CDKAL1: variants seen among roughly 807,000 people sequenced by gnomAD.
CDKAL1 encodes the protein threonylcarbamoyladenosine tRNA methylthiotransferase.
In CDKAL1, 32 loss-of-function variants were observed where a neutral mutation model predicts 68.2. The ratio of observed to expected loss-of-function variants is 0.47; its 90% CI spans 0.35 to 0.63. The LOEUF is 0.63. CDKAL1 is among the 30% of genes least tolerant of loss of function. CDKAL1 has a pLI of 0.00. For missense variants in CDKAL1, 606 were observed against 696.7 expected, an observed-to-expected ratio of 0.87 and a Z score of 1.47; for synonymous variants, 234 against 244.3, an observed-to-expected ratio of 0.96 and a Z score of 0.39.
At chr6:20,786,916 C>A (rs183226487) in intron 8 of CDKAL1, among the ~76,000 whole-genome samples, 1 of 152,182 alleles carries the variant, frequency 6.6e-6, no homozygotes. Context: ...TTTATTTTAC[C>A]TTCTCTGACC....
At chr6:20,805,605 C>T (rs566808912) in intron 8 of CDKAL1, among the ~76,000 whole-genome samples, 1 of 152,256 alleles carries the variant, frequency 6.6e-6, no homozygotes, top group Non-Finnish European at 1.5e-5. Context: ...ATACAATATG[C>T]TTTAACATTA....
At position 20,764,023 on chromosome 6, in the gene CDKAL1, T is replaced by G. The variant is rs146000705; in HGVS notation, c.517+5380T>G. Among the ~76,000 whole-genome samples the G allele has an allele frequency of 2.3e-3, 349 of 152,354 alleles. 2 individuals are homozygous for G. Among genetic ancestry groups the G allele is most frequent in the Admixed American group, 6.0e-3 (92 of 15,300 alleles). The stretch of plus-strand genomic sequence containing the variant: ...TAGTGGATTCACATTCATTTCCGTC[T>G]TTTAAAAATATTCATACGCACCTTA... On this transcript the variant is annotated intron_variant, in intron 7 of 15. Coordinates refer to ENST00000274695, the MANE Select transcript of CDKAL1 (RefSeq NM_017774.3).
At chr6:21,140,029 C>G (rs1317189122) in intron 13 of CDKAL1, among the ~76,000 whole-genome samples, 1 of 152,044 alleles carries the variant, frequency 6.6e-6, no homozygotes, top group African/African-American at 2.4e-5. Context: ...TTGCTTCTTT[C>G]TTTGTTGTAC....
chr6:20,792,074 T>G (rs1429249414), intron 8 of CDKAL1, among the ~76,000 whole-genome samples: 1 of 152,214 alleles, frequency 6.6e-6, no homozygotes, highest in African/African-American at 2.4e-5. Flanking sequence ...TGTCAGTTTT[T>G]TCCAATACAA....
At chr6:20,614,533 C>G (rs776095425) in intron 4 of CDKAL1, among the ~76,000 whole-genome samples, 11 of 152,112 alleles carry the variant, frequency 7.2e-5, no homozygotes, top group South Asian at 2.1e-4. Context: ...TATTCCTTCT[C>G]TCATATTTAA....
chr6:20,780,670 CTT>C (rs1223553462), intron 7 of CDKAL1, among the ~76,000 whole-genome samples: 4 of 38,176 alleles, frequency 1.0e-4, no homozygotes, highest in Admixed American at 8.3e-4. Flanking sequence ...ATTTCTTTTT[CTT>C]TTTTTTTTTT....
intron 9 of CDKAL1, among the ~76,000 whole-genome samples, chr6:20,854,163 T>G (rs1759198236): frequency 1.3e-5 from 2 of 152,192 alleles, no homozygotes; most frequent in African/African-American, 4.8e-5. Flanking sequence ...AAAATTGAAG[T>G]ATGCAGAAAC....
intron 5 of CDKAL1, among the ~76,000 whole-genome samples, chr6:20,713,017 G>C (rs1205500368): frequency 6.6e-6 from 1 of 152,122 alleles, no homozygotes; most frequent in Admixed American, 6.5e-5. Context: ...AGATTCAAAG[G>C]ACTTGTGATC....
intron 8 of CDKAL1, among the ~76,000 whole-genome samples, chr6:20,783,952 T>C (rs4710949): frequency 0.96 from 145,953 of 152,190 alleles, 69,998 homozygotes; most frequent in East Asian, 1. Flanking sequence ...TGGTGGCTCA[T>C]GCCTGTAATC....
At chr6:21,176,807 G>C (rs1777602147) in intron 13 of CDKAL1, among the ~76,000 whole-genome samples, 1 of 145,912 alleles carries the variant, frequency 6.9e-6, no homozygotes, top group African/African-American at 2.5e-5. Flanking sequence ...TGATTCTCTT[G>C]CCTCAGCCTC....
chr6:21,133,843 G>A (rs974445342), intron 13 of CDKAL1, among the ~76,000 whole-genome samples: 1 of 152,140 alleles, frequency 6.6e-6, no homozygotes, highest in African/African-American at 2.4e-5. Flanking sequence ...AGAGAAAGAA[G>A]GCCATGTGCA....
At chr6:20,793,102 T>C (rs1775965314) in intron 8 of CDKAL1, among the ~76,000 whole-genome samples, 1 of 152,198 alleles carries the variant, frequency 6.6e-6, no homozygotes, top group South Asian at 2.1e-4. Context: ...TAGCATCACA[T>C]ATTGTTCTCA....
chr6:20,743,121 T>C (rs1227883462), intron 6 of CDKAL1, among the ~76,000 whole-genome samples: 1 of 152,176 alleles, frequency 6.6e-6, no homozygotes, highest in Non-Finnish European at 1.5e-5. Context: ...AAAGAATAGA[T>C]GTTTAAATTC....
At chr6:20,886,814 G>T (rs1761089705) in intron 9 of CDKAL1, among the ~76,000 whole-genome samples, 1 of 152,102 alleles carries the variant, frequency 6.6e-6, no homozygotes, top group Non-Finnish European at 1.5e-5. Flanking sequence ...GGAAATGGTG[G>T]TGATAGTTAC....
intron 5 of CDKAL1, among the ~76,000 whole-genome samples, chr6:20,659,877 T>A (rs2127769855): frequency 6.6e-6 from 1 of 152,292 alleles, no homozygotes. Flanking sequence ...TTAAAAAAAA[T>A]TTGTTCAATG....
chr6:21,088,721 C>A (rs1772835805), intron 12 of CDKAL1, among the ~76,000 whole-genome samples: 1 of 151,890 alleles, frequency 6.6e-6, no homozygotes, highest in African/African-American at 2.4e-5. Context: ...GAGGGTGGAT[C>A]ATTTGAGGTC....
At chr6:20,837,183 T>C (rs559435366) in intron 8 of CDKAL1, among the ~76,000 whole-genome samples, 2 of 152,326 alleles carry the variant, frequency 1.3e-5, no homozygotes, top group Admixed American at 1.3e-4. Context: ...CCTTATGTGA[T>C]TGCTCACACC....
chr6:20,920,666 G>A (rs1057070512), intron 9 of CDKAL1, among the ~76,000 whole-genome samples: 2 of 152,150 alleles, frequency 1.3e-5, no homozygotes, highest in Non-Finnish European at 2.9e-5. Context: ...TATTTAGTTA[G>A]TATTAAAATA....
rs1776752503 is a variant in CDKAL1, at chr6:20,810,397, CACACACACACA to C, written c.638+29133_638+29143del. Among the ~76,000 whole-genome samples the C allele has an allele frequency of 2.3e-3, 5 of 2,168 alleles. No homozygotes were observed. The East Asian group carries it at 0.032, about 14-fold the overall frequency. 1.4% of individuals were successfully genotyped at this position (2,168 alleles called of 152,430 possible). A position where few individuals can be genotyped will look rare whatever the true frequency, so the allele number is the denominator to read the frequency against. ...TCTCTCTCTCTCTCTCTCTGTCACA[CACACACACACA>C]CACACACACACACACACACACACAC... On this transcript the variant is annotated intron_variant, in intron 8 of 15. Transcript: ENST00000274695.
Sources: allele counts gnomAD v4.1 joint callset (sites outside exome capture counted in the v4.1 genomes callset), GRCh38; gene constraint gnomAD v4.1.1; transcripts MANE v1.5; gene names NCBI Gene and HGNC (gene_info 2026-07-23, HGNC 2026-07-21).